The following LMNTD1 variants were observed in gnomAD, a reference collection of about 807,000 sequenced individuals.
The protein encoded by LMNTD1 is lamin tail domain-containing protein 1.
LMNTD1 carries 35 observed loss-of-function variants against 50.9 expected under a neutral mutation model. That is an observed-to-expected ratio of 0.69 (90% CI 0.53 to 0.91). The LOEUF (loss-of-function observed/expected upper bound fraction) is 0.91, where lower values mean the gene tolerates loss of function less well. Ranked by LOEUF, LMNTD1 falls within the 40% of genes least tolerant of loss-of-function variation. LMNTD1 has a pLI of 0.00. For synonymous variants in LMNTD1, 153 were observed against 161.9 expected (o/e 0.94, Z 0.42); for missense variants, 470 against 475.5 (o/e 0.99, Z 0.11).
rs951099063 is a variant in LMNTD1 at position 25,527,144 on chromosome 12, T to C, written c.492-189A>G. Among the ~76,000 whole-genome samples the C allele has an allele frequency of 5.9e-5, 9 of 152,162 alleles. No individual in the cohort carries two copies. The South Asian group carries it at 1.2e-3, about 21-fold the overall frequency. ...GCTTGAGTTTTTAGTTCTATTTCTT[T>C]ATCTGTGCAATAAAATAACCTATTT... On this transcript the variant is annotated intron_variant, in intron 4 of 9. Transcript: ENST00000458174.
chr12:25,562,564 TAA>T (rs1565483038), intron 1 of LMNTD1, among the ~76,000 whole-genome samples: 1 of 152,234 alleles, frequency 6.6e-6, no homozygotes, highest in Non-Finnish European at 1.5e-5. Flanking sequence ...TGGCTGCCCT[TAA>T]CATTTTTCCT....
intron 1 of LMNTD1, among the ~76,000 whole-genome samples, chr12:25,625,121 T>C (rs1255957047): frequency 6.6e-6 from 1 of 152,170 alleles, no homozygotes; most frequent in African/African-American, 2.4e-5. Flanking sequence ...GCGAGGTCCT[T>C]TTCGTTTTCA....
upstream of LMNTD1, among the ~76,000 whole-genome samples, chr12:25,553,685 A>G (rs1194871434): frequency 6.6e-6 from 1 of 152,172 alleles, no homozygotes. Flanking sequence ...GAACACCTAA[A>G]TTCTTCTCCT....
At chr12:25,643,008 C>A (rs987430773) in intron 1 of LMNTD1, among the ~76,000 whole-genome samples, 2 of 152,220 alleles carry the variant, frequency 1.3e-5, no homozygotes, top group Non-Finnish European at 2.9e-5. Context: ...GTTCCAAGCA[C>A]TGTTCTAGGC....
At chr12:25,593,762 G>A (rs557823432) in intron 1 of LMNTD1, among the ~76,000 whole-genome samples, 2 of 150,946 alleles carry the variant, frequency 1.3e-5, no homozygotes, top group East Asian at 1.9e-4. Flanking sequence ...GTTAATCAGG[G>A]AGGCACCAGA....
chr12:25,549,187 C>G (rs1591987727), intron 3 of LMNTD1, 139 bp downstream of exon 3: 1 of 563,200 alleles, frequency 1.8e-6, no homozygotes, highest in East Asian at 2.9e-5. Flanking sequence ...AGTTAAGTTA[C>G]TTTTCATAAG....
At chr12:25,618,956 G>T (rs144385525) in intron 1 of LMNTD1, among the ~76,000 whole-genome samples, 240 of 152,182 alleles carry the variant, frequency 1.6e-3, no homozygotes, top group African/African-American at 5.5e-3. Context: ...AATGTGAAAC[G>T]ATTTACCGCA....
At chr12:25,552,774 T>A in intron 2 of LMNTD1, 97 bp downstream of exon 2, 1 of 732,492 alleles carries the variant, frequency 1.4e-6, no homozygotes, top group Non-Finnish European at 2.4e-6. Context: ...TCTAACTGGT[T>A]CATAAGAGTA....
intron 1 of LMNTD1, among the ~76,000 whole-genome samples, chr12:25,590,882 G>T (rs1945677429): frequency 6.6e-6 from 1 of 152,178 alleles, no homozygotes; most frequent in Admixed American, 6.5e-5. Flanking sequence ...TTCATCATTT[G>T]CTAACTGAAG....
Position 25,483,840 on chromosome 12 carries a change from A to C in LMNTD1, c.*23-7380T>G, listed in dbSNP as rs115049747. ...AGTTCCTTGGGTAATAACCCCAAAC[A>C]ATCTATGAATGAGAAATCTAACCAT... On this transcript the variant is annotated intron_variant, in intron 9 of 9. Coordinates refer to ENST00000458174, the MANE Select transcript of LMNTD1 (RefSeq NM_001145728.2). Among the ~76,000 whole-genome samples, 303 of 152,070 alleles carry C rather than the reference A, an allele frequency of 2.0e-3. 2 individuals carry two copies. Among genetic ancestry groups the C allele is most frequent in the African/African-American group, 5.6e-3 (232 of 41,352 alleles).
At chr12:25,571,627 T>A (rs1944802072) in intron 1 of LMNTD1, among the ~76,000 whole-genome samples, 1 of 151,990 alleles carries the variant, frequency 6.6e-6, no homozygotes, top group Admixed American at 6.5e-5. Flanking sequence ...CCTCCCAAAA[T>A]GCTGGGATTA....
chr12:25,479,692 G>A (rs1938381689), intron 9 of LMNTD1, among the ~76,000 whole-genome samples: 2 of 152,230 alleles, frequency 1.3e-5, no homozygotes, highest in African/African-American at 4.8e-5. Flanking sequence ...ACAGATGGTA[G>A]TCTTGGCAGA....
At chr12:25,581,658 A>G (rs1015421394) in intron 1 of LMNTD1, among the ~76,000 whole-genome samples, 2 of 152,176 alleles carry the variant, frequency 1.3e-5, no homozygotes, top group African/African-American at 4.8e-5. Flanking sequence ...TTGCTTAATG[A>G]TGGGTATATG....
At chr12:25,566,130 T>C (rs1944547644) in intron 1 of LMNTD1, among the ~76,000 whole-genome samples, 1 of 152,186 alleles carries the variant, frequency 6.6e-6, no homozygotes, top group Non-Finnish European at 1.5e-5. Context: ...CATATTGCTA[T>C]CTTTTTTAGG....
intron 9 of LMNTD1, among the ~76,000 whole-genome samples, chr12:25,477,055 C>T (rs894673206): frequency 6.6e-6 from 1 of 152,168 alleles, no homozygotes; most frequent in Non-Finnish European, 1.5e-5. Flanking sequence ...GGAGAATCAA[C>T]ACATGGGCCT....
At chr12:25,609,011 T>G (rs1462630784) in intron 1 of LMNTD1, among the ~76,000 whole-genome samples, 1 of 152,236 alleles carries the variant, frequency 6.6e-6, no homozygotes, top group African/African-American at 2.4e-5. Context: ...TTGGAGGCTT[T>G]GTTCATTTCT....
chr12:25,603,236 G>A (rs941123943), intron 1 of LMNTD1, among the ~76,000 whole-genome samples: 12 of 151,948 alleles, frequency 7.9e-5, no homozygotes, highest in South Asian at 2.1e-4. Context: ...ATTCTATCAG[G>A]AACATGTGTG....
chr12:25,611,104 G>A (rs1946231996), intron 1 of LMNTD1, among the ~76,000 whole-genome samples: 1 of 152,186 alleles, frequency 6.6e-6, no homozygotes, highest in Non-Finnish European at 1.5e-5. Flanking sequence ...GACGTCAAGG[G>A]AAGGACAAAG....
intron 1 of LMNTD1, among the ~76,000 whole-genome samples, chr12:25,596,133 G>A (rs1945840669): frequency 6.6e-6 from 1 of 151,810 alleles, no homozygotes; most frequent in Non-Finnish European, 1.5e-5. Context: ...TGGACCAGAT[G>A]GATTCACAGC....
Sources: gnomAD v4.1 joint callset for allele counts (sites outside exome capture counted in the v4.1 genomes callset) on GRCh38, gnomAD v4.1.1 for gene constraint, MANE v1.5 for transcripts, NCBI Gene and HGNC (gene_info 2026-07-23, HGNC 2026-07-21) for gene names.